Variants in HMCN1 observed in about 807,000 individuals in gnomAD.
The protein encoded by HMCN1 is hemicentin 1.
HMCN1 carries 321 observed loss-of-function variants against 625.9 expected under a neutral mutation model. That is an observed-to-expected ratio of 0.51 (90% confidence interval 0.47 to 0.56). The LOEUF is 0.56. Among genes scored for constraint, HMCN1 ranks in the 20% least tolerant of loss-of-function variants. The probability of loss-of-function intolerance (pLI) is 0.00; values close to 1 mark genes in which losing one functional copy is unlikely to be tolerated. For missense variants in HMCN1, 6,588 were observed against 6,887.3 expected (o/e 0.96, Z 1.54); for synonymous variants, 2,425 against 2,417.6 (o/e 1.00, Z -0.09).
intron 93 of HMCN1, among the ~76,000 whole-genome samples, chr1:186,150,313 C>T (rs963793128): frequency 6.6e-6 from 1 of 152,138 alleles, no homozygotes; most frequent in Admixed American, 6.6e-5. Context: ...CTTCTCTTGT[C>T]AAAGCATGAA....
At chr1:186,155,850 A>G (rs890920277) in intron 97 of HMCN1, among the ~76,000 whole-genome samples, 1 of 152,186 alleles carries the variant, frequency 6.6e-6, no homozygotes, top group African/African-American at 2.4e-5. Context: ...TTAACTAGCA[A>G]ATTATGTTCT....
intron 82 of HMCN1, among the ~76,000 whole-genome samples, chr1:186,127,082 G>C (rs4651300): frequency 0.41 from 62,331 of 151,756 alleles, 13,405 homozygotes; most frequent in East Asian, 0.58. Flanking sequence ...AAAAAAATAA[G>C]AATGACTCAA....
chr1:185,893,516 A>G (rs532821618), intron 4 of HMCN1, among the ~76,000 whole-genome samples: 11 of 152,164 alleles, frequency 7.2e-5, no homozygotes, highest in Non-Finnish European at 1.5e-4. Flanking sequence ...TTAACAATTA[A>G]TATTACAATT....
Position 186,088,173 on chromosome 1 carries a change from A to C in HMCN1, c.9474A>C (p.Arg3158Ser). Residue 3158 changes from arginine to serine, a missense_variant, in exon 62 of 107, where the codon AGA becomes AGC. This residue lies in a region of HMCN1 where 4,628 missense variants were observed against 4,853.1 expected (regional missense o/e 0.95). Transcript: ENST00000271588. ...YVPPSIEGPEREVIVETISNP... is the reference protein window; with the variant it reads ...YVPPSIEGPESEVIVETISNP... ...CACCCAGTATTGAAGGACCTGAAAGAGAAGTGATTGTGGAGACGATCAGCA... is the reference window on the plus strand; with the variant it reads ...CACCCAGTATTGAAGGACCTGAAAGCGAAGTGATTGTGGAGACGATCAGCA... 4.3e-6 allele frequency: 7 copies of C among 1,611,426 alleles called. No individual in the cohort carries two copies. The highest frequency in any genetic ancestry group is 5.9e-6 in the Non-Finnish European group (7 of 1,178,560).
intron 89 of HMCN1, among the ~76,000 whole-genome samples, chr1:186,140,344 A>AT (rs1267990082): frequency 2.0e-5 from 3 of 152,010 alleles, no homozygotes; most frequent in South Asian, 2.1e-4. Context: ...TGAACTTGAT[A>AT]TTTTTTAATA....
chr1:185,872,782 T>C lies in HMCN1; in HGVS notation c.621+6919T>C, dbSNP rs561891409. Among the ~76,000 whole-genome samples the C allele has an allele frequency of 4.6e-5, 7 of 152,276 alleles. No homozygotes were observed. The East Asian group carries it at 1.4e-3, about 29-fold the overall frequency. On this transcript the variant is annotated intron_variant, in intron 4 of 106. Transcript: ENST00000271588. ...TGGGAACTGTTTGAAGCACTAGTTATAAACTGCAGCAATAGATTCTGTAAT... is the reference window on the plus strand; with the variant it reads ...TGGGAACTGTTTGAAGCACTAGTTACAAACTGCAGCAATAGATTCTGTAAT...
chr1:186,162,889 A>G (rs1293421678), intron 97 of HMCN1, among the ~76,000 whole-genome samples: 8 of 152,194 alleles, frequency 5.3e-5, no homozygotes, highest in East Asian at 3.9e-4. Context: ...CAGTCTGCCC[A>G]TTCTCAGATC....
intron 1 of HMCN1, among the ~76,000 whole-genome samples, chr1:185,835,767 A>C (rs1177380132): frequency 1.3e-5 from 2 of 152,308 alleles, no homozygotes; most frequent in East Asian, 3.9e-4. Flanking sequence ...GAAAAAAGCA[A>C]GACAGACATT....
At chr1:185,857,355 C>T (rs577769684) in intron 2 of HMCN1, among the ~76,000 whole-genome samples, 1 of 152,100 alleles carries the variant, frequency 6.6e-6, no homozygotes, top group Non-Finnish European at 1.5e-5. Context: ...ATCTATATTT[C>T]AGGGTTCAAA....
chr1:186,017,685 T>C (rs989011797), intron 33 of HMCN1, among the ~76,000 whole-genome samples: 2 of 152,038 alleles, frequency 1.3e-5, no homozygotes, highest in African/African-American at 4.8e-5. Flanking sequence ...TTGTCTATAG[T>C]TGTTTTAAGA....
At chr1:185,792,551 A>AT (rs199927305) in intron 1 of HMCN1, among the ~76,000 whole-genome samples, 1 of 152,156 alleles carries the variant, frequency 6.6e-6, no homozygotes, top group East Asian at 1.9e-4. Context: ...TTCTTTGTGC[A>AT]TTTTTAAAAA....
At chr1:185,952,223 G>T (rs539649967) in intron 11 of HMCN1, among the ~76,000 whole-genome samples, 1 of 151,818 alleles carries the variant, frequency 6.6e-6, no homozygotes, top group South Asian at 2.1e-4. Context: ...TGGGCAGGAG[G>T]GGGAGGGCTA....
In HMCN1 at chr1:185,927,989, T is replaced by A. The variant is rs535457130; in HGVS notation, c.1431-557T>A. The stretch of plus-strand genomic sequence containing the variant: ...AGTAGAGGGATTTTTTTAACCTACA[T>A]GATAGAGTTTAACTATAAAACTGAT... On this transcript the variant is annotated intron_variant, in intron 9 of 106. Coordinates refer to ENST00000271588, the MANE Select transcript of HMCN1 (RefSeq NM_031935.3). 3.3e-5 allele frequency among the ~76,000 whole-genome samples: 5 copies of A among 152,248 alleles called. No individual in the cohort carries two copies. The East Asian group carries it at 9.6e-4, about 29-fold the overall frequency.
At chr1:186,090,659 A>G in intron 63 of HMCN1, 99 bp from the exon 64 acceptor site, 1 of 1,380,226 alleles carries the variant, frequency 7.2e-7, no homozygotes, top group Admixed American at 1.8e-5. Flanking sequence ...TAATCTACAA[A>G]GAATATGAAC....
intron 100 of HMCN1, among the ~76,000 whole-genome samples, chr1:186,168,226 G>A (rs1651998528): frequency 6.6e-6 from 1 of 150,736 alleles, no homozygotes; most frequent in Non-Finnish European, 1.5e-5. Flanking sequence ...GGTAAAAAGG[G>A]AGAAGGGAGC....
intron 52 of HMCN1, among the ~76,000 whole-genome samples, chr1:186,074,524 G>A (rs552500305): frequency 1.3e-5 from 2 of 151,584 alleles, no homozygotes; most frequent in East Asian, 3.9e-4. Context: ...AATGTAAACT[G>A]TAACAGCAGC....
intron 1 of HMCN1, among the ~76,000 whole-genome samples, chr1:185,816,458 T>C (rs577908307): frequency 6.6e-6 from 1 of 152,346 alleles, no homozygotes; most frequent in African/African-American, 2.4e-5. Context: ...TTTCCCAATG[T>C]ATATCAATAT....
At chr1:185,745,062 T>A (rs1466295969) in intron 1 of HMCN1, among the ~76,000 whole-genome samples, 1 of 152,110 alleles carries the variant, frequency 6.6e-6, no homozygotes, top group Non-Finnish European at 1.5e-5. Flanking sequence ...AAAAGAAATA[T>A]AATTGCCTTT....
chr1:186,053,935 G>A lies in HMCN1; in HGVS notation c.6811G>A (p.Ala2271Thr). ...TGATGCAGCACTCTATTCATGTGTGGCGTCGAATGTTGCTGGGACTGCAAA... is the reference window on the plus strand; with the variant it reads ...TGATGCAGCACTCTATTCATGTGTGACGTCGAATGTTGCTGGGACTGCAAA... The part of the protein sequence containing the change: ...KSDAALYSCV[A>T]SNVAGTAKKE... The change falls in exon 44 of 107, where the codon GCG (alanine) becomes ACG (threonine). Residue 2271 changes from alanine (A) to threonine (T), a missense_variant. Ala to Thr is a moderately conservative substitution (Grantham distance 58). Transcript: ENST00000271588. The A allele has an allele frequency of 5.0e-6, 8 of 1,612,718 alleles. No individual in the cohort carries two copies. The highest frequency in any genetic ancestry group is 6.8e-6 in the Non-Finnish European group (8 of 1,179,226).
Sources: gnomAD v4.1 joint callset for allele counts (sites outside exome capture counted in the v4.1 genomes callset) on GRCh38, gnomAD v4.1.1 for gene constraint, gnomAD v4.1.1 regional missense constraint, MANE v1.5 for transcripts, NCBI Gene and HGNC (gene_info 2026-07-23, HGNC 2026-07-21) for gene names.